The following CAMK4 variants were observed in gnomAD, a reference collection of about 807,000 sequenced individuals.
CAMK4 encodes the protein calcium/calmodulin-dependent protein kinase type IV.
In CAMK4, 22 loss-of-function variants were observed where a neutral mutation model predicts 44.9. That is an observed-to-expected ratio of 0.49 (90% CI 0.35 to 0.70). The LOEUF (loss-of-function observed/expected upper bound fraction) is 0.70, where lower values mean the gene tolerates loss of function less well. CAMK4 is among the 30% of genes least tolerant of loss of function. CAMK4 has a pLI of 0.01. For missense variants in CAMK4, 498 were observed against 586.8 expected, an observed-to-expected ratio of 0.85 and a Z score of 1.56; for synonymous variants, 218 against 215.4, an observed-to-expected ratio of 1.01 and a Z score of -0.11.
intron 2 of CAMK4, among the ~76,000 whole-genome samples, chr5:111,348,295 A>G (rs755268737): frequency 6.6e-6 from 1 of 152,042 alleles, no homozygotes; most frequent in African/African-American, 2.4e-5. Flanking sequence ...GTTTTAGTAG[A>G]TGAATGCGCT....
intron 5 of CAMK4, among the ~76,000 whole-genome samples, chr5:111,396,631 CTTTTT>C (rs540495109): frequency 2.1e-4 from 10 of 47,010 alleles, no homozygotes; most frequent in East Asian, 7.8e-4. Flanking sequence ...AACTCATATT[CTTTTT>C]TTTTTTTTTT....
intron 1 of CAMK4, among the ~76,000 whole-genome samples, chr5:111,321,902 A>G (rs755112439): frequency 1.3e-5 from 2 of 152,076 alleles, no homozygotes; most frequent in Non-Finnish European, 2.9e-5. Flanking sequence ...AACATTTTCA[A>G]TTTACTCTTA....
intron 5 of CAMK4, among the ~76,000 whole-genome samples, chr5:111,438,275 A>G (rs1304037154): frequency 6.6e-6 from 1 of 152,230 alleles, no homozygotes; most frequent in Non-Finnish European, 1.5e-5. Context: ...AGCTTAAGAA[A>G]CAACATTGAA....
chr5:111,451,580 G>A (rs1754238976), intron 7 of CAMK4, among the ~76,000 whole-genome samples: 1 of 152,096 alleles, frequency 6.6e-6, no homozygotes, highest in South Asian at 2.1e-4. Context: ...GAGCCACCAT[G>A]TCCAGCTCAT....
rs550369947 is a variant in CAMK4 at position 111,447,115 on chromosome 5, T to C, written c.550+339T>C. 3.3e-5 allele frequency among the ~76,000 whole-genome samples: 5 copies of C among 152,326 alleles called. No homozygotes were observed. In the East Asian group the frequency reaches 7.7e-4, roughly 23 times the overall value. ...AAAAGTAACACATCTTTTGGAGATA[T>C]TAACTTTTATTCCACAGATTGCTTG... On this transcript the variant is annotated intron_variant, in intron 6 of 10. Coordinates refer to ENST00000282356, the MANE Select transcript of CAMK4 (RefSeq NM_001744.6).
intron 1 of CAMK4, among the ~76,000 whole-genome samples, chr5:111,319,491 G>A (rs1205009144): frequency 6.6e-6 from 1 of 152,096 alleles, no homozygotes; most frequent in East Asian, 1.9e-4. Context: ...TCTCCAATCT[G>A]TAAAACATTT....
At chr5:111,318,878 T>C (rs1243757779) in intron 1 of CAMK4, among the ~76,000 whole-genome samples, 1 of 152,166 alleles carries the variant, frequency 6.6e-6, no homozygotes, top group African/African-American at 2.4e-5. Context: ...TTGACAAAGA[T>C]GGAAAACAGT....
chr5:111,249,005 T>C (rs1161815388), intron 1 of CAMK4, among the ~76,000 whole-genome samples: 1 of 152,182 alleles, frequency 6.6e-6, no homozygotes, highest in African/African-American at 2.4e-5. Context: ...ATGGATGTTT[T>C]TAATGTGTTT....
At chr5:111,342,805 C>T (rs1344447424) in intron 1 of CAMK4, among the ~76,000 whole-genome samples, 1 of 151,426 alleles carries the variant, frequency 6.6e-6, no homozygotes, top group Non-Finnish European at 1.5e-5. Flanking sequence ...TAATATGCAT[C>T]TTTAATCAGT....
chr5:111,336,957 G>A (rs1322320646), intron 1 of CAMK4, among the ~76,000 whole-genome samples: 1 of 150,292 alleles, frequency 6.7e-6, no homozygotes, highest in East Asian at 2.0e-4. Flanking sequence ...TTTTTTTACT[G>A]TATTTTCATT....
At chr5:111,360,556 A>G (rs1273100698) in intron 2 of CAMK4, among the ~76,000 whole-genome samples, 1 of 152,126 alleles carries the variant, frequency 6.6e-6, no homozygotes, top group African/African-American at 2.4e-5. Context: ...AATATCAGAG[A>G]TGGAGAAATA....
At chr5:111,287,627 A>G (rs939505218) in intron 1 of CAMK4, among the ~76,000 whole-genome samples, 2 of 152,120 alleles carry the variant, frequency 1.3e-5, no homozygotes, top group African/African-American at 4.8e-5. Flanking sequence ...CCTGTTTCAT[A>G]TTTAATACTT....
chr5:111,350,729 A>G (rs770819700), intron 2 of CAMK4, among the ~76,000 whole-genome samples: 4 of 152,106 alleles, frequency 2.6e-5, no homozygotes, highest in Non-Finnish European at 4.4e-5. Flanking sequence ...TTCACCTAGC[A>G]AATGTCTCAA....
chr5:111,308,298 A>C (rs1429067441), intron 1 of CAMK4, among the ~76,000 whole-genome samples: 1 of 152,198 alleles, frequency 6.6e-6, no homozygotes, highest in Admixed American at 6.5e-5. Flanking sequence ...CTTATTTTAA[A>C]ATGCACTTTA....
intron 6 of CAMK4, among the ~76,000 whole-genome samples, chr5:111,447,236 T>C (rs367609627): frequency 2.0e-5 from 3 of 152,266 alleles, no homozygotes; most frequent in East Asian, 3.9e-4. Context: ...TGAACAGAGA[T>C]AAATTAAGAT....
intron 8 of CAMK4, among the ~76,000 whole-genome samples, chr5:111,477,534 C>T (rs375374970): frequency 1.1e-4 from 17 of 152,302 alleles, no homozygotes; most frequent in East Asian, 9.7e-4. Flanking sequence ...GATTTTAGAA[C>T]TTCCACCCGT....
At chr5:111,424,737 G>A (rs10069849) in intron 5 of CAMK4, among the ~76,000 whole-genome samples, 52,046 of 151,378 alleles carry the variant, frequency 0.34, 9,718 homozygotes, top group Middle Eastern at 0.5. Context: ...GTGAGCCACC[G>A]CGTCCAGCCA....
chr5:111,323,875 C>G (rs912845150), intron 1 of CAMK4, among the ~76,000 whole-genome samples: 1 of 152,002 alleles, frequency 6.6e-6, no homozygotes, highest in Non-Finnish European at 1.5e-5. Flanking sequence ...TTATTCTGCC[C>G]TTACTATCTT....
At chr5:111,230,050 G>C (rs571923543) in intron 1 of CAMK4, among the ~76,000 whole-genome samples, 42 of 152,134 alleles carry the variant, frequency 2.8e-4, no homozygotes, top group Non-Finnish European at 5.7e-4. Context: ...ATGTGTACCC[G>C]CTTCCTCTTC....
Sources: gnomAD v4.1 joint callset for allele counts (sites outside exome capture counted in the v4.1 genomes callset) on GRCh38, gnomAD v4.1.1 for gene constraint, MANE v1.5 for transcripts, NCBI Gene and HGNC (gene_info 2026-07-23, HGNC 2026-07-21) for gene names.